The following LIFR variants were observed in gnomAD, a reference collection of about 807,000 sequenced individuals.
LIFR encodes LIF receptor subunit alpha.
A neutral mutation model predicts 122.2 loss-of-function variants in LIFR; 84 were observed. That is an observed-to-expected ratio of 0.69 (90% CI 0.58 to 0.82). The LOEUF is 0.82. Ranked by LOEUF, LIFR falls within the 40% of genes least tolerant of loss-of-function variation. LIFR has a pLI of 0.00. For synonymous variants in LIFR, 422 were observed against 434.7 expected (o/e 0.97, Z 0.36); for missense variants, 1,294 against 1,311.6 (o/e 0.99, Z 0.21).
intron 9 of LIFR, among the ~76,000 whole-genome samples, chr5:38,505,401 TACACACACACACAC>T (rs58882043): frequency 2.7e-4 from 38 of 139,470 alleles, no homozygotes; most frequent in Middle Eastern, 7.4e-3. Context: ...TGCATAGAAC[TACACACACACACAC>T]ACACACACAC....
intron 12 of LIFR, among the ~76,000 whole-genome samples, chr5:38,496,842 T>A (rs1744909514): frequency 6.6e-6 from 1 of 151,750 alleles, no homozygotes; most frequent in South Asian, 2.1e-4. Context: ...CCAGGTGTGG[T>A]GGTGAGCGCC....
chr5:38,475,883 A>G lies in LIFR; in HGVS notation c.*5712T>C, dbSNP rs1008367730. The G allele has an allele frequency of 8.9e-5, 17 of 190,046 alleles. No individual in the cohort carries two copies. The highest frequency in any genetic ancestry group is 1.5e-4 in the Non-Finnish European group (14 of 90,360). 11.8% of individuals were successfully genotyped at this position (190,046 alleles called of 1,614,324 possible). The stretch of plus-strand genomic sequence containing the variant: ...GTACTATCTTAAATCTAGGATGTCT[A>G]TCTATCCAGGCCAATCTTTTGCAAG... On this transcript the variant is annotated 3_prime_UTR_variant, in exon 20 of 20. Transcript: ENST00000453190.
chr5:38,531,430 A>G (rs1747000594), intron 1 of LIFR, among the ~76,000 whole-genome samples: 1 of 152,162 alleles, frequency 6.6e-6, no homozygotes, highest in Non-Finnish European at 1.5e-5. Context: ...CCAAAAGGAA[A>G]ATAAAAAGTA....
chr5:38,545,883 AAAAAGAAAAAATCCAATGT>A (rs1747863698), intron 1 of LIFR, among the ~76,000 whole-genome samples: 2 of 151,636 alleles, frequency 1.3e-5, no homozygotes. Flanking sequence ...AAAAAAAAAA[AAAAAGAAAAAATCCAATGT>A]AAAATCAAAT....
intron 1 of LIFR, among the ~76,000 whole-genome samples, chr5:38,573,727 T>G (rs1749290569): frequency 6.6e-6 from 1 of 152,194 alleles, no homozygotes; most frequent in African/African-American, 2.4e-5. Flanking sequence ...GAAATGTAAA[T>G]TTACAAATCA....
chr5:38,558,180 G>A (rs1561208891), upstream of LIFR: 1 of 151,764 alleles, frequency 6.6e-6, no homozygotes, highest in Admixed American at 6.6e-5. Context: ...ATCTTAAAAT[G>A]TATGTATATA....
chr5:38,551,778 T>C (rs1474859242), intron 1 of LIFR, among the ~76,000 whole-genome samples: 1 of 152,240 alleles, frequency 6.6e-6, no homozygotes, highest in African/African-American at 2.4e-5. Context: ...ACCAGAAGTT[T>C]TTCCTCAACT....
Position 38,484,866 on chromosome 5 carries a change from C to A in LIFR, c.2500G>T (p.Val834Leu), listed in dbSNP as rs771881532. ...ATGAGAATGGCAATAATTAATCCCA[C>A]AGCTGAAACGAGAGTATTGCAAATA... is the stretch of plus-strand genomic sequence containing the variant. The part of the protein sequence containing the change: ...SMYVVTKENS[V>L]GLIIAILIPV... Residue 834 changes from valine to leucine, a missense_variant and splice_region_variant, in exon 18 of 20, where the codon GTG becomes TTG. Transcript: ENST00000453190. The A allele has an allele frequency of 6.2e-7, 1 of 1,607,470 alleles. No individual in the cohort carries two copies. Among genetic ancestry groups the A allele is most frequent in the Non-Finnish European group, 8.5e-7 (1 of 1,174,324 alleles).
chr5:38,499,691 G>C, intron 11 of LIFR, 108 bp from the exon 12 acceptor site: 1 of 792,112 alleles, frequency 1.3e-6, no homozygotes, highest in Non-Finnish European at 2.2e-6. Flanking sequence ...ACGTGAAGCA[G>C]TTCAGTGGCT....
intron 1 of LIFR, among the ~76,000 whole-genome samples, chr5:38,534,386 C>A (rs1003126704): frequency 1.3e-5 from 2 of 152,146 alleles, no homozygotes; most frequent in Non-Finnish European, 2.9e-5. Context: ...CTTGGCCAGA[C>A]TGAGAAGTTC....
chr5:38,564,061 C>T (rs558683483), intron 1 of LIFR, among the ~76,000 whole-genome samples: 1 of 152,246 alleles, frequency 6.6e-6, no homozygotes, highest in African/African-American at 2.4e-5. Context: ...TGTCCTTTGT[C>T]TCTGTAGGGT....
At chr5:38,595,018 C>A (rs1442450361) in intron 1 of LIFR, 1 of 183,092 alleles carries the variant, frequency 5.5e-6, no homozygotes, top group Non-Finnish European at 1.2e-5. Context: ...AGACTGAAGA[C>A]TGAGGAAGAC....
chr5:38,563,394 G>C (rs765835712), intron 1 of LIFR, among the ~76,000 whole-genome samples: 1 of 152,142 alleles, frequency 6.6e-6, no homozygotes, highest in African/African-American at 2.4e-5. Context: ...CTCAGGTTGG[G>C]AGATTAATAT....
At chr5:38,551,245 T>C (rs1208332255) in intron 1 of LIFR, among the ~76,000 whole-genome samples, 1 of 152,178 alleles carries the variant, frequency 6.6e-6, no homozygotes. Context: ...TCCAGGCCCG[T>C]TGCATGGAAA....
intron 1 of LIFR, among the ~76,000 whole-genome samples, chr5:38,587,123 G>C (rs1167707927): frequency 6.6e-6 from 1 of 151,892 alleles, no homozygotes; most frequent in Non-Finnish European, 1.5e-5. Flanking sequence ...CTACACCCTG[G>C]GAATACAGTA....
At chr5:38,595,604 C>G (rs2071237), upstream of LIFR, among the ~76,000 whole-genome samples, 50,616 of 151,942 alleles carry the variant, frequency 0.33, 9,348 homozygotes, top group Non-Finnish European at 0.41. Flanking sequence ...TGCCTCCAGG[C>G]CAGCAGCATG....
At chr5:38,574,263 T>C (rs545792212) in intron 1 of LIFR, among the ~76,000 whole-genome samples, 14 of 152,292 alleles carry the variant, frequency 9.2e-5, no homozygotes, top group African/African-American at 2.9e-4. Context: ...CATGCCAGGC[T>C]CCTTCCCTCT....
chr5:38,481,554 A>G lies in LIFR; in HGVS notation c.*41T>C. ...CTGATGTAGCAACACTAGCAGTAAG[A>G]GCTTATTGAGATGGCTGACTGAAGT... On this transcript the variant is annotated 3_prime_UTR_variant, in exon 20 of 20. Transcript: ENST00000453190. The G allele has an allele frequency of 6.2e-7, 1 of 1,609,256 alleles. No homozygotes were observed. The highest frequency in any genetic ancestry group is 8.5e-7 in the Non-Finnish European group (1 of 1,175,612).
At chr5:38,498,590 C>T (rs539915458) in intron 12 of LIFR, among the ~76,000 whole-genome samples, 6 of 152,046 alleles carry the variant, frequency 3.9e-5, no homozygotes, top group Non-Finnish European at 7.4e-5. Context: ...TGGCAAATGG[C>T]GGCACCATCA....
Sources: allele counts gnomAD v4.1 joint callset (sites outside exome capture counted in the v4.1 genomes callset), GRCh38; gene constraint gnomAD v4.1.1; transcripts MANE v1.5; gene names NCBI Gene and HGNC (gene_info 2026-07-23, HGNC 2026-07-21).